TELO2: variants seen among roughly 807,000 people sequenced by gnomAD.
The protein encoded by TELO2 is telomere length regulation protein TEL2 homolog.
TELO2 carries 71 observed loss-of-function variants against 91.0 expected under a neutral mutation model. The observed-to-expected ratio is 0.78, with a 90% confidence interval of 0.64 to 0.95. The LOEUF is 0.95. Ranked by LOEUF, TELO2 falls within the 40% of genes least tolerant of loss-of-function variation. TELO2 has a pLI of 0.00. For synonymous variants in TELO2, 584 were observed against 518.9 expected, an observed-to-expected ratio of 1.13 and a Z score of -1.71; for missense variants, 1,183 against 1,141.3, an observed-to-expected ratio of 1.04 and a Z score of -0.53.
At chr16:1,503,513 G>A (rs1010627548) in intron 15 of TELO2, among the ~76,000 whole-genome samples, 1 of 152,168 alleles carries the variant, frequency 6.6e-6, no homozygotes, top group East Asian at 1.9e-4. Flanking sequence ...TTGCACCACC[G>A]CACTCCCGTG....
chr16:1,503,557 A>G (rs1219368280), intron 15 of TELO2, among the ~76,000 whole-genome samples: 1 of 152,286 alleles, frequency 6.6e-6, no homozygotes, highest in East Asian at 1.9e-4. Context: ...CTCAAAGATA[A>G]TTCGACTCTG....
intron 17 of TELO2, 138 bp downstream of exon 17, chr16:1,506,467 C>T (rs2039896680): frequency 2.0e-6 from 3 of 1,535,736 alleles, no homozygotes; most frequent in Non-Finnish European, 1.8e-6. Context: ...TTTTTGTAAG[C>T]CTGTGTTAAA....
rs781516440 is a variant in TELO2 at position 1,502,069 on chromosome 16, G to A, written c.1495G>A (p.Asp499Asn). 6 of 1,613,178 alleles carry A rather than the reference G, an allele frequency of 3.7e-6. No homozygotes were observed. Among genetic ancestry groups the A allele is most frequent in the South Asian group, 1.1e-5 (1 of 91,086 alleles). ...CAGCGATGATGAGTTTGTCCCCTAC[G>A]ACATGTCGGGGGACAGAGAGCTGAA... Reference protein sequence around the residue: ...LDSDDEFVPYDMSGDRELKSS... With the variant: ...LDSDDEFVPYNMSGDRELKSS... The change falls in exon 12 of 21, where the codon GAC becomes AAC. Residue 499 changes from aspartate to asparagine, a missense_variant. Transcript: ENST00000262319.
rs1458114640 is a variant in TELO2, at chr16:1,506,958, G to A, written c.2133G>A (p.Leu711=). Reference sequence around the variant, plus strand: ...GCTCCATCCTGTGCTCTAGGCCTCTGGTGACCTTCGACCTCTTGGGAGAAG... The same window carrying A: ...GCTCCATCCTGTGCTCTAGGCCTCTAGTGACCTTCGACCTCTTGGGAGAAG... ...FPLLQRFDRP[L]VTFDLLGEDQ... The change falls in exon 18 of 21, where the codon CTG becomes CTA. Residue 711 remains leucine, a synonymous_variant. Coordinates refer to ENST00000262319, the MANE Select transcript of TELO2 (RefSeq NM_016111.4). 1 of 1,609,602 alleles carries A rather than the reference G, an allele frequency of 6.2e-7. No homozygotes were observed. The highest frequency in any genetic ancestry group is 8.5e-7 in the Non-Finnish European group (1 of 1,178,020).
In TELO2 at chr16:1,495,034, T is replaced by G. The variant is rs140316584; in HGVS notation, c.336-312T>G. ...CAGTCCTTGCCGGGACACTGCATCT[T>G]GAGAAGCTGGGTTTTCAGAGGTTGC... On this transcript the variant is annotated intron_variant, in intron 2 of 20. Coordinates refer to ENST00000262319, the MANE Select transcript of TELO2 (RefSeq NM_016111.4). 5.6e-3 allele frequency among the ~76,000 whole-genome samples: 857 copies of G among 152,322 alleles called. 8 individuals are homozygous for G. Among genetic ancestry groups the G allele is most frequent in the African/African-American group, 0.019 (807 of 41,570 alleles).
At position 1,509,980 on chromosome 16, in the gene TELO2, A is replaced by G. The variant is rs2141083737; in HGVS notation, c.*44A>G. The G allele has an allele frequency of 6.6e-7, 1 of 1,519,158 alleles. No individual in the cohort carries two copies. Among genetic ancestry groups the G allele is most frequent in the East Asian group, 2.4e-5 (1 of 41,064 alleles). 94.1% of individuals were successfully genotyped at this position (1,519,158 alleles called of 1,614,324 possible). Reference sequence around the variant, plus strand: ...GGACCACCCTCGCCGACAGCAAGGCAGGCGGCTGAGCAGCGGCCTGGAGCA... The same window carrying G: ...GGACCACCCTCGCCGACAGCAAGGCGGGCGGCTGAGCAGCGGCCTGGAGCA... On this transcript the variant is annotated 3_prime_UTR_variant, in exon 21 of 21. Transcript: ENST00000262319.
rs1033024040 is a variant in TELO2, at chr16:1,497,673, A to T, written c.830+165A>T. On this transcript the variant is annotated intron_variant, in intron 5 of 20. Coordinates refer to ENST00000262319, the MANE Select transcript of TELO2 (RefSeq NM_016111.4). This position sits in a 1 kb window ranked among gnomAD's most constrained non-coding sequence, Gnocchi z 4.0. ...GCCCTCTCAGTTCCCGCACGTGCTGATGGTGACCTCTGTATCAGAGGGTCC... is the reference window on the plus strand; with the variant it reads ...GCCCTCTCAGTTCCCGCACGTGCTGTTGGTGACCTCTGTATCAGAGGGTCC... Among the ~76,000 whole-genome samples, 3 of 152,158 alleles carry T rather than the reference A, an allele frequency of 2.0e-5. No homozygotes were observed. The highest frequency in any genetic ancestry group is 6.5e-5 in the Admixed American group (1 of 15,288).
rs2040089039 is a variant in TELO2 at position 1,510,200 on chromosome 16, A to G, written c.*264A>G. The G allele has an allele frequency of 2.1e-6, 1 of 485,272 alleles. No homozygotes were observed. Among genetic ancestry groups the G allele is most frequent in the Non-Finnish European group, 3.8e-6 (1 of 265,434 alleles). 30.1% of individuals were successfully genotyped at this position (485,272 alleles called of 1,614,324 possible). ...GCTGTGGGCGCTGCTGGCGGGGTTG[A>G]CTCTTCCAGTGAGGGCAGAACCAGG... On this transcript the variant is annotated 3_prime_UTR_variant, in exon 21 of 21. Transcript: ENST00000262319.
intron 15 of TELO2, among the ~76,000 whole-genome samples, chr16:1,504,127 T>TAA (rs34788034): frequency 5.1e-4 from 54 of 104,870 alleles, no homozygotes; most frequent in Admixed American, 8.1e-4. Flanking sequence ...TCTGTCTCTT[T>TAA]AAAAAAAAAA....
Position 1,502,076 on chromosome 16 carries a change from C to G in TELO2, c.1502C>G (p.Ser501Trp). Reference protein sequence around the residue: ...SDDEFVPYDMSGDRELKSSKA... With the variant: ...SDDEFVPYDMWGDRELKSSKA... ...GATGAGTTTGTCCCCTACGACATGTCGGGGGACAGAGAGCTGAAGAGCAGC... is the reference window on the plus strand; with the variant it reads ...GATGAGTTTGTCCCCTACGACATGTGGGGGGACAGAGAGCTGAAGAGCAGC... Residue 501 changes from serine to tryptophan, a missense_variant, in exon 12 of 21, where the codon TCG becomes TGG. Transcript: ENST00000262319. 6.2e-7 allele frequency: 1 copy of G among 1,613,238 alleles called. No individual in the cohort carries two copies. Among genetic ancestry groups the G allele is most frequent in the Non-Finnish European group, 8.5e-7 (1 of 1,179,978 alleles).
At chr16:1,503,797 A>T (rs1003251938) in intron 15 of TELO2, among the ~76,000 whole-genome samples, 1 of 152,158 alleles carries the variant, frequency 6.6e-6, no homozygotes, top group African/African-American at 2.4e-5. Flanking sequence ...GTTGCCCATC[A>T]TGAACGTACT....
intron 5 of TELO2, among the ~76,000 whole-genome samples, chr16:1,498,869 T>G (rs922792636): frequency 2.6e-5 from 4 of 152,204 alleles, no homozygotes; most frequent in Non-Finnish European, 4.4e-5. Flanking sequence ...TACAGGCTAC[T>G]TGGACAAAAT....
chr16:1,499,463 G>C, intron 6 of TELO2, 130 bp downstream of exon 6: 1 of 1,011,396 alleles, frequency 9.9e-7, no homozygotes, highest in South Asian at 1.4e-5. Flanking sequence ...GCTGGCAGGA[G>C]TTGGCGAGGC....
Position 1,495,343 on chromosome 16 carries a change from C to T in TELO2, c.336-3C>T. On this transcript the variant is annotated splice_region_variant and splice_polypyrimidine_tract_variant and intron_variant, in intron 2 of 20. Transcript: ENST00000262319. ...GCTCTGCCCAACACGCCCGTATCTTCAGCCCCAGCTTCCGGCTGATGAAGA... is the reference window on the plus strand; with the variant it reads ...GCTCTGCCCAACACGCCCGTATCTTTAGCCCCAGCTTCCGGCTGATGAAGA... 1.3e-6 allele frequency: 2 copies of T among 1,540,012 alleles called. No individual in the cohort carries two copies. Among genetic ancestry groups the T allele is most frequent in the South Asian group, 1.2e-5 (1 of 83,952 alleles).
Position 1,507,015 on chromosome 16 carries a change from C to T in TELO2, c.2190C>T (p.Thr730=). The change falls in exon 18 of 21, where the codon ACC becomes ACT. Residue 730 remains threonine (T), a synonymous_variant. Coordinates refer to ENST00000262319, the MANE Select transcript of TELO2 (RefSeq NM_016111.4). ...TGGTTCTCGGAAGGCTGGCGCACAC[C>T]TTAGGGGCCCTGATGTGCCTGGCTG... is the stretch of plus-strand genomic sequence containing the variant. ...DQLVLGRLAH[T]LGALMCLAVN... 6.2e-7 allele frequency: 1 copy of T among 1,611,756 alleles called. No homozygotes were observed. Among genetic ancestry groups the T allele is most frequent in the Non-Finnish European group, 8.5e-7 (1 of 1,179,080 alleles).
In TELO2 at chr16:1,502,339, C is replaced by T. The variant is rs746564540; in HGVS notation, c.1588C>T (p.Arg530Cys). The T allele has an allele frequency of 3.9e-5, 63 of 1,606,744 alleles. No homozygotes were observed. Among genetic ancestry groups the T allele is most frequent in the East Asian group, 3.6e-4 (16 of 44,680 alleles). Residue 530 changes from arginine (R) to cysteine (C), a missense_variant, in exon 13 of 21, where the codon CGC becomes TGC. By Grantham distance (180) the Arg-to-Cys change is radical. Coordinates refer to ENST00000262319, the MANE Select transcript of TELO2 (RefSeq NM_016111.4). ...EALTTSEDIE[R>C]WEAALRALEG... The stretch of plus-strand genomic sequence containing the variant: ...CCTGACCACGTCTGAGGACATAGAG[C>T]GCTGGGAGGCAGCCCTGCGGGCCCT...
chr16:1,507,559 T>G, intron 19 of TELO2, 42 bp from the exon 20 acceptor site: 2 of 1,537,374 alleles, frequency 1.3e-6, no homozygotes, highest in Non-Finnish European at 1.7e-6. Flanking sequence ...AGGTCTGGGG[T>G]GTGGTCCCTG....
rs1452159008 is a variant in TELO2, at chr16:1,497,351, G to A, written c.683-10G>A. 1.2e-5 allele frequency: 18 copies of A among 1,537,420 alleles called. No homozygotes were observed. Among genetic ancestry groups the A allele is most frequent in the Non-Finnish European group, 1.6e-5 (18 of 1,138,824 alleles). The stretch of plus-strand genomic sequence containing the variant: ...CTCCCCAGGCTCAGGTCCTCCGTCT[G>A]TCCCCTCAGAGGAGATCCTGGGCGT... On this transcript the variant is annotated splice_polypyrimidine_tract_variant and intron_variant, in intron 4 of 20. Coordinates refer to ENST00000262319, the MANE Select transcript of TELO2 (RefSeq NM_016111.4). The surrounding 1 kb of genome is among the most constrained non-coding windows in gnomAD (Gnocchi z 4.0).
chr16:1,501,619 C>T, intron 10 of TELO2, 44 bp from the exon 11 acceptor site: 1 of 1,581,356 alleles, frequency 6.3e-7, no homozygotes. Flanking sequence ...AGACCAGAGG[C>T]TCGAGGGGCC....
Sources: gnomAD v4.1 joint callset for allele counts (sites outside exome capture counted in the v4.1 genomes callset) on GRCh38, gnomAD v4.1.1 for gene constraint, Gnocchi (gnomAD v3.1) non-coding constraint, MANE v1.5 for transcripts, NCBI Gene and HGNC (gene_info 2026-07-23, HGNC 2026-07-21) for gene names.